The following CCDC73 variants were observed in gnomAD, a reference collection of about 807,000 sequenced individuals.
CCDC73 encodes the protein coiled-coil domain containing 73.
In CCDC73, 95 loss-of-function variants were observed where a neutral mutation model predicts 116.5. The ratio of observed to expected loss-of-function variants is 0.82; its 90% CI spans 0.69 to 0.97. The LOEUF is 0.97. Among genes scored for constraint, CCDC73 ranks in the 50% least tolerant of loss-of-function variants. The probability of loss-of-function intolerance (pLI) is 0.00; values close to 1 mark genes in which losing one functional copy is unlikely to be tolerated. For synonymous variants in CCDC73, 398 were observed against 401.3 expected (o/e 0.99, Z 0.10); for missense variants, 1,066 against 1,206.8 (o/e 0.88, Z 1.73).
chr11:32,703,067 T>C (rs1274305122), intron 3 of CCDC73, 123 bp from the exon 4 acceptor site: 2 of 725,536 alleles, frequency 2.8e-6, no homozygotes, highest in East Asian at 2.5e-5. Context: ...TTTGTGTTCC[T>C]GGAATGCAAC....
chr11:32,610,608 A>G (rs895043753), intron 17 of CCDC73, among the ~76,000 whole-genome samples: 2 of 152,208 alleles, frequency 1.3e-5, no homozygotes, highest in Admixed American at 1.3e-4. Flanking sequence ...TTTCTATATG[A>G]CAAATAGACT....
intron 14 of CCDC73, among the ~76,000 whole-genome samples, chr11:32,625,894 G>T (rs1408200810): frequency 3.4e-5 from 5 of 148,926 alleles, no homozygotes; most frequent in Admixed American, 2.0e-4. Flanking sequence ...GCAAAAACTG[G>T]AAGCATTCCC....
intron 2 of CCDC73, among the ~76,000 whole-genome samples, chr11:32,743,457 G>T (rs1262655177): frequency 6.6e-6 from 1 of 152,212 alleles, no homozygotes. Flanking sequence ...AATGAAGGCA[G>T]AAATAAAGAT....
the CCDC73 span, among the ~76,000 whole-genome samples, chr11:32,817,046 A>G: frequency 6.6e-6 from 1 of 152,058 alleles, no homozygotes; most frequent in African/African-American, 2.4e-5. Context: ...CTGCCTCCCA[A>G]AGTGCTGGGA....
intron 1 of CCDC73, among the ~76,000 whole-genome samples, chr11:32,782,349 G>A (rs2133397862): frequency 6.7e-6 from 1 of 150,338 alleles, no homozygotes. Context: ...ACCAGTCCCT[G>A]GTGCCAAAAA....
chr11:32,675,703 A>G, intron 8 of CCDC73, 59 bp from the exon 9 acceptor site: 1 of 1,378,144 alleles, frequency 7.3e-7, no homozygotes, highest in Non-Finnish European at 1.0e-6. Flanking sequence ...CAAAGAAAGT[A>G]TCATTAAGAT....
intron 1 of CCDC73, among the ~76,000 whole-genome samples, chr11:32,782,746 T>C (rs1850594356): frequency 6.6e-6 from 1 of 152,114 alleles, no homozygotes. Context: ...TCAACTTTCT[T>C]ATGAAGAGAT....
At chr11:32,630,047 T>C (rs1018662384) in intron 14 of CCDC73, among the ~76,000 whole-genome samples, 1 of 151,410 alleles carries the variant, frequency 6.6e-6, no homozygotes, top group Non-Finnish European at 1.5e-5. Flanking sequence ...TGGTGGTGAA[T>C]AGAAAAGATA....
At chr11:32,768,908 G>A (rs1196915105) in intron 1 of CCDC73, among the ~76,000 whole-genome samples, 1 of 152,154 alleles carries the variant, frequency 6.6e-6, no homozygotes, top group Non-Finnish European at 1.5e-5. Context: ...TCTGCAAGAT[G>A]TCTGAACAAG....
At chr11:32,777,024 A>ATATATATAT in intron 1 of CCDC73, among the ~76,000 whole-genome samples, 1 of 111,490 alleles carries the variant, frequency 9.0e-6, no homozygotes, top group Non-Finnish European at 1.9e-5. Context: ...TATATATATA[A>ATATATATAT]TTGAACTTAA....
chr11:32,717,710 T>C (rs1849957925), intron 3 of CCDC73, among the ~76,000 whole-genome samples: 2 of 152,238 alleles, frequency 1.3e-5, no homozygotes, highest in African/African-American at 4.8e-5. Context: ...CTGTATTAGT[T>C]AGCTTTCATA....
chr11:32,782,752 G>A (rs1463730137), intron 1 of CCDC73, among the ~76,000 whole-genome samples: 1 of 152,040 alleles, frequency 6.6e-6, no homozygotes, highest in African/African-American at 2.4e-5. Context: ...TTCTTATGAA[G>A]AGATGAGTGT....
At chr11:32,669,754 G>A (rs925648341) in intron 9 of CCDC73, among the ~76,000 whole-genome samples, 2 of 152,138 alleles carry the variant, frequency 1.3e-5, no homozygotes, top group Non-Finnish European at 2.9e-5. Context: ...TTAACATAAT[G>A]ACCTCTAGTT....
intron 9 of CCDC73, among the ~76,000 whole-genome samples, chr11:32,665,912 T>C (rs1168079645): frequency 7.9e-5 from 12 of 152,218 alleles, no homozygotes; most frequent in Non-Finnish European, 1.3e-4. Context: ...TCTCCTTCAC[T>C]TATGAAGCTT....
intron 12 of CCDC73, among the ~76,000 whole-genome samples, chr11:32,652,381 A>G (rs563513523): frequency 2.6e-5 from 4 of 152,264 alleles, no homozygotes; most frequent in Non-Finnish European, 5.9e-5. Context: ...CCACTTCCAC[A>G]TGAACTTATC....
intron 9 of CCDC73, among the ~76,000 whole-genome samples, chr11:32,659,119 C>A (rs1389761331): frequency 4.6e-5 from 7 of 152,140 alleles, no homozygotes; most frequent in African/African-American, 1.7e-4. Flanking sequence ...TTACAAAAGG[C>A]TGAACATGAG....
At chr11:32,670,218 T>C (rs533896619) in intron 9 of CCDC73, among the ~76,000 whole-genome samples, 1 of 152,174 alleles carries the variant, frequency 6.6e-6, no homozygotes, top group South Asian at 2.1e-4. Context: ...CCACATGACT[T>C]AGAAAGTAAA....
rs903412867 is a variant in CCDC73 at position 32,776,994 on chromosome 11, T to C, written c.-15-16736A>G. The stretch of plus-strand genomic sequence containing the variant: ...ACACATATATATATACACATGTATA[T>C]ATATATATATATATATATATATATA... On this transcript the variant is annotated intron_variant, in intron 1 of 17. Coordinates refer to ENST00000335185, the MANE Select transcript of CCDC73 (RefSeq NM_001008391.4). 2.6e-4 allele frequency among the ~76,000 whole-genome samples: 11 copies of C among 41,730 alleles called. No homozygotes were observed. The South Asian group carries it at 4.0e-3, about 15-fold the overall frequency. 27.4% of individuals were successfully genotyped at this position (41,730 alleles called of 152,430 possible).
upstream of CCDC73, among the ~76,000 whole-genome samples, chr11:32,799,443 T>C (rs1222243725): frequency 6.6e-6 from 1 of 151,968 alleles, no homozygotes; most frequent in African/African-American, 2.4e-5. Context: ...TTTCCCAGCC[T>C]GGTCTCGAAC....
Sources: allele counts gnomAD v4.1 joint callset (sites outside exome capture counted in the v4.1 genomes callset), GRCh38; gene constraint gnomAD v4.1.1; transcripts MANE v1.5; gene names NCBI Gene and HGNC (gene_info 2026-07-23, HGNC 2026-07-21).